Variants in SCGB2B2 observed in about 807,000 individuals in gnomAD.
SCGB2B2 encodes secretoglobin-like protein.
Under a neutral mutation model 7.6 loss-of-function variants are expected in SCGB2B2, and 11 were observed. The ratio of observed to expected loss-of-function variants is 1.45; its 90% CI spans 0.91 to 2.40. The LOEUF is 2.40. SCGB2B2 is among the 30% of genes most tolerant of loss of function. The pLI, the probability that SCGB2B2 is intolerant of heterozygous loss-of-function variation, is 0.00. For missense variants in SCGB2B2, 104 were observed against 115.4 expected (o/e 0.90, Z 0.45); for synonymous variants, 50 against 48.6 (o/e 1.03, Z -0.12).
chr19:34,669,170 C>T (rs2067730319), intron 1 of SCGB2B2, among the ~76,000 whole-genome samples: 1 of 152,058 alleles, frequency 6.6e-6, no homozygotes, highest in East Asian at 1.9e-4. Flanking sequence ...ACACTCACTG[C>T]GAGGGTCCGC....
intron 1 of SCGB2B2, chr19:34,635,393 G>C: frequency 3.4e-6 from 1 of 292,374 alleles, no homozygotes. Context: ...TAACAAGGTG[G>C]GTGCTTCTGC....
At chr19:34,623,677 G>C (rs569353081) in intron 1 of SCGB2B2, among the ~76,000 whole-genome samples, 2 of 152,278 alleles carry the variant, frequency 1.3e-5, no homozygotes, top group Admixed American at 6.5e-5. Flanking sequence ...GCAGTAGTTG[G>C]ATTTGAGTAA....
chr19:34,588,846 G>GACTTGGAGAAGGAGA (rs56172583), downstream of SCGB2B2, among the ~76,000 whole-genome samples: 94,528 of 151,080 alleles, frequency 0.63, 29,788 homozygotes, highest in East Asian at 0.88. Context: ...GTTCACTCTT[G>GACTTGGAGAAGGAGA]ACTTGGAGAA....
chr19:34,612,726 T>C (rs2065967847), intron 1 of SCGB2B2, among the ~76,000 whole-genome samples: 1 of 152,206 alleles, frequency 6.6e-6, no homozygotes, highest in Non-Finnish European at 1.5e-5. Flanking sequence ...TCTGTGTAGA[T>C]GACCTGTTCA....
chr19:34,647,073 C>G (rs1371268332), intron 1 of SCGB2B2, among the ~76,000 whole-genome samples: 1 of 152,068 alleles, frequency 6.6e-6, no homozygotes, highest in Non-Finnish European at 1.5e-5. Context: ...CCTTGCCCTC[C>G]TGGCTGAGTC....
At chr19:34,640,502 T>C (rs2066810894) in intron 1 of SCGB2B2, 1 of 152,232 alleles carries the variant, frequency 6.6e-6, no homozygotes, top group South Asian at 2.1e-4. Context: ...TTTGCTACTA[T>C]GGAAAGCTTA....
chr19:34,639,185 T>G (rs1214136264), intron 1 of SCGB2B2, among the ~76,000 whole-genome samples: 3 of 152,212 alleles, frequency 2.0e-5, no homozygotes, highest in Admixed American at 1.3e-4. Context: ...AGCAAAAAAC[T>G]TGAGTAATCC....
chr19:34,609,148 C>A (rs559085523), intron 1 of SCGB2B2, among the ~76,000 whole-genome samples: 1 of 152,050 alleles, frequency 6.6e-6, no homozygotes, highest in South Asian at 2.1e-4. Flanking sequence ...AGCTAATATG[C>A]CCATTTATAC....
chr19:34,604,695 T>C (rs2065729954), intron 1 of SCGB2B2, among the ~76,000 whole-genome samples: 1 of 152,206 alleles, frequency 6.6e-6, no homozygotes, highest in African/African-American at 2.4e-5. Flanking sequence ...TTAAAATCCT[T>C]TGAAATTTGT....
chr19:34,605,605 GT>G (rs754839920), intron 1 of SCGB2B2, among the ~76,000 whole-genome samples: 18 of 152,142 alleles, frequency 1.2e-4, no homozygotes, highest in Non-Finnish European at 2.2e-4. Flanking sequence ...TTGAGACGGA[GT>G]TTTGCTCTTG....
chr19:34,627,540 A>G (rs976716827), intron 1 of SCGB2B2, among the ~76,000 whole-genome samples: 1 of 152,248 alleles, frequency 6.6e-6, no homozygotes, highest in African/African-American at 2.4e-5. Context: ...ATAATGGTAA[A>G]GGGATCAATT....
intron 1 of SCGB2B2, among the ~76,000 whole-genome samples, chr19:34,605,458 G>T (rs553559731): frequency 3.7e-4 from 56 of 152,206 alleles, no homozygotes; most frequent in African/African-American, 1.3e-3. Context: ...TCTTCATTCC[G>T]GTGGCTTTGC....
chr19:34,586,697 T>C (rs967701527), downstream of SCGB2B2, among the ~76,000 whole-genome samples: 2 of 152,210 alleles, frequency 1.3e-5, no homozygotes, highest in Admixed American at 6.5e-5. Context: ...TTCTGCAGGT[T>C]TTGTATTGAT....
intron 1 of SCGB2B2, among the ~76,000 whole-genome samples, chr19:34,620,517 A>G (rs1400629355): frequency 8.0e-6 from 1 of 124,600 alleles, no homozygotes; most frequent in Non-Finnish European, 1.7e-5. Flanking sequence ...ATCACACACC[A>G]GGGTGGGGGG....
intron 1 of SCGB2B2, among the ~76,000 whole-genome samples, chr19:34,617,901 G>A (rs959653871): frequency 6.6e-6 from 1 of 152,170 alleles, no homozygotes; most frequent in Non-Finnish European, 1.5e-5. Context: ...TTTTCCAGGT[G>A]CCGTCTGTCA....
At chr19:34,608,231 T>C (rs373460142) in intron 1 of SCGB2B2, among the ~76,000 whole-genome samples, 4 of 152,144 alleles carry the variant, frequency 2.6e-5, no homozygotes, top group East Asian at 1.9e-4. Context: ...GGAAATGTAA[T>C]TGCCTTCTTA....
At chr19:34,616,067 T>G (rs564266149) in intron 1 of SCGB2B2, among the ~76,000 whole-genome samples, 4 of 150,602 alleles carry the variant, frequency 2.7e-5, no homozygotes, top group Non-Finnish European at 3.0e-5. Context: ...ATGTGCCACA[T>G]TTTCTTAATC....
chr19:34,600,144 G>A lies in SCGB2B2; in HGVS notation c.-2031-3550C>T, dbSNP rs182398522. Among the ~76,000 whole-genome samples, 21 of 152,252 alleles carry A rather than the reference G, an allele frequency of 1.4e-4. No homozygotes were observed. In the East Asian group the frequency reaches 3.5e-3, roughly 25 times the overall value. On this transcript the variant is annotated intron_variant, in intron 1 of 3. Coordinates refer to ENST00000601241, the MANE Select transcript of SCGB2B2 (RefSeq NM_001025591.4). ...CACCCATTAACTTGTTGTTTCAGTG[G>A]ATGGTTTTTCTACCTAAACATCTTC...
At chr19:34,664,252 C>T (rs1351791202) in intron 1 of SCGB2B2, among the ~76,000 whole-genome samples, 1 of 152,294 alleles carries the variant, frequency 6.6e-6, no homozygotes, top group Non-Finnish European at 1.5e-5. Context: ...TGGCAGAGAA[C>T]GACAGGGCTC....
Sources: allele counts gnomAD v4.1 joint callset (sites outside exome capture counted in the v4.1 genomes callset), GRCh38; gene constraint gnomAD v4.1.1; transcripts MANE v1.5; gene names NCBI Gene and HGNC (gene_info 2026-07-23, HGNC 2026-07-21).